TAF6L: variants seen among roughly 807,000 people sequenced by gnomAD.
The protein encoded by TAF6L is TAF6-like RNA polymerase II p300/CBP-associated factor-associated factor 65 kDa subunit 6L.
TAF6L carries 34 observed loss-of-function variants against 57.3 expected under a neutral mutation model. The ratio of observed to expected loss-of-function variants is 0.59; its 90% CI spans 0.45 to 0.79. The LOEUF is 0.79. Among genes scored for constraint, TAF6L ranks in the 30% least tolerant of loss-of-function variants. The probability of loss-of-function intolerance (pLI) is 0.00; values close to 1 mark genes in which losing one functional copy is unlikely to be tolerated. For missense variants in TAF6L, 782 were observed against 853.2 expected, an observed-to-expected ratio of 0.92 and a Z score of 1.04; for synonymous variants, 417 against 376.3, an observed-to-expected ratio of 1.11 and a Z score of -1.25.
intron 1 of TAF6L, among the ~76,000 whole-genome samples, chr11:62,774,150 C>G (rs1281355620): frequency 2.0e-5 from 3 of 151,878 alleles, no homozygotes; most frequent in African/African-American, 7.3e-5. Flanking sequence ...GATCTCGGCT[C>G]ACTGCAATCT....
chr11:62,782,534 G>T, intron 8 of TAF6L, 159 bp from the exon 9 acceptor site: 2 of 1,153,228 alleles, frequency 1.7e-6, no homozygotes, highest in Non-Finnish European at 2.4e-6. Flanking sequence ...TGGTTCTTCA[G>T]CCCTCAGGTC....
intron 5 of TAF6L, 132 bp downstream of exon 5, chr11:62,778,467 T>A (rs919312034): frequency 1.8e-6 from 2 of 1,082,536 alleles, no homozygotes; most frequent in Middle Eastern, 2.0e-4. Context: ...ATGGTCTGAG[T>A]GGGCGCTGGG....
rs76769410 is a variant in TAF6L at position 62,775,854 on chromosome 11, C to T, written c.71C>T (p.Thr24Met). The change falls in exon 2 of 11, where the codon ACG becomes ATG. Residue 24 changes from threonine (T) to methionine (M), a missense_variant. Physicochemically the swap from Thr to Met is moderately conservative, Grantham distance 81 (BLOSUM62 -1). This residue lies in a region of TAF6L where 220 missense variants were observed against 252.1 expected (regional missense o/e 0.87). Transcript: ENST00000294168. ...TCTGTCCGGCTCATGGCGGAGAGCA[C>T]GGGCCTGGAGCTGAGCGATGAGGTG... ...RESVRLMAES[T>M]GLELSDEVAA... The T allele has an allele frequency of 9.1e-3, 14,718 of 1,613,608 alleles. 88 individuals are homozygous for T. The highest frequency in any genetic ancestry group is 0.01 in the Non-Finnish European group (11,977 of 1,179,944).
chr11:62,785,022 TAATA>T (rs1230318552), intron 9 of TAF6L, among the ~76,000 whole-genome samples: 2 of 152,118 alleles, frequency 1.3e-5, no homozygotes, highest in Non-Finnish European at 2.9e-5. Context: ...TTTTTTTATT[TAATA>T]GAGATGAGGT....
chr11:62,778,356 CA>C (rs1396132417), intron 5 of TAF6L, 21 bp downstream of exon 5: 1 of 1,613,982 alleles, frequency 6.2e-7, no homozygotes, highest in African/African-American at 1.3e-5. Context: ...ATGTAGGAAA[CA>C]GGCTCTTTGG....
At chr11:62,779,976 A>ATATATATATATATTTTTTTTT (rs1294367864) in intron 6 of TAF6L, among the ~76,000 whole-genome samples, 3 of 52,626 alleles carry the variant, frequency 5.7e-5, no homozygotes, top group African/African-American at 7.7e-5. Flanking sequence ...ATATATATAT[A>ATATATATATATATTTTTTTTT]TTTTTTTTTT....
At chr11:62,782,078 T>G (rs746148001) in intron 7 of TAF6L, 35 bp from the exon 8 acceptor site, 16 of 1,590,874 alleles carry the variant, frequency 1.0e-5, no homozygotes. Flanking sequence ...GCCTGTCCCC[T>G]CATGTCCCTG....
chr11:62,772,061 C>T, intron 1 of TAF6L: 1 of 456,038 alleles, frequency 2.2e-6, no homozygotes, highest in Non-Finnish European at 4.4e-6. Flanking sequence ...CCCCTCCCTA[C>T]TTACTCAGTG....
chr11:62,779,974 A>ATTTTT (rs1432226168), intron 6 of TAF6L, among the ~76,000 whole-genome samples: 3 of 74,918 alleles, frequency 4.0e-5, no homozygotes, highest in African/African-American at 1.0e-4. Context: ...ATATATATAT[A>ATTTTT]TATTTTTTTT....
chr11:62,785,260 C>G (rs535375478), intron 9 of TAF6L, among the ~76,000 whole-genome samples: 1 of 151,780 alleles, frequency 6.6e-6, no homozygotes, highest in Non-Finnish European at 1.5e-5. Context: ...GGCGCGACCT[C>G]GGCTCACTGC....
In TAF6L at chr11:62,787,044, C is replaced by T. The variant is rs2084287251; in HGVS notation, c.1617C>T (p.Pro539=). The change falls in exon 11 of 11, where the codon CCC becomes CCT. Residue 539 remains proline, a synonymous_variant. Coordinates refer to ENST00000294168, the MANE Select transcript of TAF6L (RefSeq NM_006473.4). ...GCGGGGCACCCCGGCAGCAGGGCCCCGGGACCGGCACCCGCGACGTTTTCC... is the reference window on the plus strand; with the variant it reads ...GCGGGGCACCCCGGCAGCAGGGCCCTGGGACCGGCACCCGCGACGTTTTCC... ...RARGAPRQQG[P]GTGTRDVFQK... 10 of 1,518,476 alleles carry T rather than the reference C, an allele frequency of 6.6e-6. No homozygotes were observed. Among genetic ancestry groups the T allele is most frequent in the Non-Finnish European group, 8.8e-6 (10 of 1,140,676 alleles). The allele number at this position is 1,518,476 out of a possible 1,614,324, so 94.1% of individuals were successfully genotyped here. A position where few individuals can be genotyped will look rare whatever the true frequency, so the allele number is the denominator to read the frequency against.
In TAF6L at chr11:62,778,264, ATC is replaced by A. The variant is rs757746516; in HGVS notation, c.386-15_386-14del. On this transcript the variant is annotated intron_variant, in intron 4 of 10. Coordinates refer to ENST00000294168, the MANE Select transcript of TAF6L (RefSeq NM_006473.4). ...AAGGGGCAAAACGCCAGGCTGACAC[ATC>A]TCTCTGCACTGCTTCTAGTTCATGT... The A allele has an allele frequency of 1.2e-6, 2 of 1,614,182 alleles. No individual in the cohort carries two copies.
intron 9 of TAF6L, among the ~76,000 whole-genome samples, chr11:62,784,099 C>CT (rs1414355653): frequency 6.8e-6 from 1 of 146,618 alleles, no homozygotes; most frequent in East Asian, 2.0e-4. Flanking sequence ...AGTGATTCTC[C>CT]TGCCTCAGCC....
intron 4 of TAF6L, 57 bp downstream of exon 4, chr11:62,778,185 G>A: frequency 1.2e-6 from 2 of 1,613,790 alleles, no homozygotes; most frequent in Non-Finnish European, 1.7e-6. Context: ...GAAGAGAAGT[G>A]GTGATGGGCT....
intron 5 of TAF6L, 102 bp downstream of exon 5, chr11:62,778,437 A>G (rs1295072584): frequency 2.2e-6 from 3 of 1,389,206 alleles, no homozygotes; most frequent in Non-Finnish European, 3.0e-6. Context: ...ACATGTGTTT[A>G]CCCATGCCTG....
intron 9 of TAF6L, among the ~76,000 whole-genome samples, chr11:62,785,484 G>A (rs560993395): frequency 1.3e-5 from 2 of 151,486 alleles, no homozygotes; most frequent in Non-Finnish European, 2.9e-5. Flanking sequence ...GAGCCACAGC[G>A]CCCGGCTGGT....
At chr11:62,782,416 C>CT in intron 8 of TAF6L, 83 bp downstream of exon 8, 1 of 1,426,872 alleles carries the variant, frequency 7.0e-7, no homozygotes, top group African/African-American at 1.4e-5. Flanking sequence ...AAGCCTCTGG[C>CT]TTTGAGAGTC....
intron 1 of TAF6L, chr11:62,774,646 G>A (rs1752840589): frequency 4.4e-6 from 2 of 455,042 alleles, no homozygotes; most frequent in South Asian, 1.6e-5. Context: ...GTTTTTGTCG[G>A]TTTCTTATTG....
At chr11:62,775,076 AAAAAG>A (rs1426392856) in intron 1 of TAF6L, among the ~76,000 whole-genome samples, 7 of 151,770 alleles carry the variant, frequency 4.6e-5, no homozygotes, top group Non-Finnish European at 7.4e-5. Context: ...AAAAAAAAAA[AAAAAG>A]AAAAGACTGG....
Sources: gnomAD v4.1 joint callset for allele counts (sites outside exome capture counted in the v4.1 genomes callset) on GRCh38, gnomAD v4.1.1 for gene constraint, gnomAD v4.1.1 regional missense constraint, MANE v1.5 for transcripts, NCBI Gene and HGNC (gene_info 2026-07-23, HGNC 2026-07-21) for gene names.